The following UNC5D variants were observed in gnomAD, a reference collection of about 807,000 sequenced individuals.
UNC5D encodes unc-5 netrin receptor D.
In UNC5D, 39 loss-of-function variants were observed where a neutral mutation model predicts 105.4. The observed-to-expected ratio is 0.37, with a 90% CI of 0.29 to 0.48. UNC5D has a LOEUF of 0.48. UNC5D is among the 20% of genes least tolerant of loss of function. The pLI is 0.98. For missense variants in UNC5D, 991 were observed against 1,202.4 expected (o/e 0.82, Z 2.60); for synonymous variants, 452 against 450.4 (o/e 1.00, Z -0.04).
intron 13 of UNC5D, among the ~76,000 whole-genome samples, chr8:35,753,852 C>T (rs1171787790): frequency 6.6e-6 from 1 of 152,220 alleles, no homozygotes; most frequent in Non-Finnish European, 1.5e-5. Context: ...CTTTTCTGAA[C>T]TGAGACTCCC....
At position 35,634,247 on chromosome 8, in the gene UNC5D, C is replaced by T. The variant is rs140559933; in HGVS notation, c.570+38590C>T. ...GCACTCTTAAGCATTTTTCCAGAAT[C>T]ACACAGAATTTCCATTCAATCAAGG... On this transcript the variant is annotated intron_variant, in intron 4 of 16. Coordinates refer to ENST00000404895, the MANE Select transcript of UNC5D (RefSeq NM_080872.4). 2.3e-3 allele frequency among the ~76,000 whole-genome samples: 352 copies of T among 152,210 alleles called. 3 individuals are homozygous for T. Among genetic ancestry groups the T allele is most frequent in the African/African-American group, 7.6e-3 (316 of 41,474 alleles).
Position 35,372,212 on chromosome 8 carries a change from C to T in UNC5D, c.103+136325C>T, listed in dbSNP as rs944659949. Reference sequence around the variant, plus strand: ...GATCTTGGCTCACTGCAACCTTCACCCACTGGGGTCAAGCGATCCTCCCAC... The same window carrying T: ...GATCTTGGCTCACTGCAACCTTCACTCACTGGGGTCAAGCGATCCTCCCAC... On this transcript the variant is annotated intron_variant, in intron 1 of 16. Coordinates refer to ENST00000404895, the MANE Select transcript of UNC5D (RefSeq NM_080872.4). Among the ~76,000 whole-genome samples the T allele has an allele frequency of 7.9e-5, 12 of 152,166 alleles. 1 individual carries two copies. The highest frequency in any genetic ancestry group is 6.5e-4 in the Admixed American group (10 of 15,280).
At chr8:35,732,516 A>C (rs1277089752) in intron 11 of UNC5D, among the ~76,000 whole-genome samples, 1 of 152,226 alleles carries the variant, frequency 6.6e-6, no homozygotes, top group Non-Finnish European at 1.5e-5. Context: ...TCACTTAAGC[A>C]GACCTAAAAA....
intron 16 of UNC5D, among the ~76,000 whole-genome samples, chr8:35,782,411 T>C (rs1313521050): frequency 6.6e-6 from 1 of 152,196 alleles, no homozygotes; most frequent in Non-Finnish European, 1.5e-5. Flanking sequence ...TGGTGCTATA[T>C]AGTAGGATTA....
At chr8:35,344,401 A>C (rs572545906) in intron 1 of UNC5D, among the ~76,000 whole-genome samples, 1 of 152,126 alleles carries the variant, frequency 6.6e-6, no homozygotes, top group African/African-American at 2.4e-5. Flanking sequence ...TCTTTATTTC[A>C]TGTTCACCTG....
chr8:35,685,789 A>G (rs1175977170), intron 6 of UNC5D, among the ~76,000 whole-genome samples: 1 of 152,132 alleles, frequency 6.6e-6, no homozygotes, highest in African/African-American at 2.4e-5. Context: ...GGACTCAGAC[A>G]TTTTGCTTCA....
intron 1 of UNC5D, among the ~76,000 whole-genome samples, chr8:35,333,107 G>T (rs1352616450): frequency 6.6e-6 from 1 of 152,080 alleles, no homozygotes; most frequent in Non-Finnish European, 1.5e-5. Context: ...CAGCCCTTTG[G>T]AAGTATGAGG....
chr8:35,652,098 T>C lies in UNC5D; in HGVS notation c.571-31449T>C, dbSNP rs951411626. 2.0e-5 allele frequency among the ~76,000 whole-genome samples: 3 copies of C among 152,182 alleles called. No individual in the cohort carries two copies. The East Asian group carries it at 5.8e-4, about 29-fold the overall frequency. ...CAAGTTGCTCTTATAGAAGTTGTTA[T>C]ATATGAGCGCTCACCAGCTGTGACT... On this transcript the variant is annotated intron_variant, in intron 4 of 16. Transcript: ENST00000404895.
At chr8:35,759,627 G>A (rs1032400709) in intron 14 of UNC5D, among the ~76,000 whole-genome samples, 158 bp downstream of exon 14, 6 of 152,128 alleles carry the variant, frequency 3.9e-5, no homozygotes, top group East Asian at 1.9e-4. Context: ...CTACACACAC[G>A]GAATGAAACA....
chr8:35,338,063 C>A (rs1490587252), intron 1 of UNC5D, among the ~76,000 whole-genome samples: 2 of 152,136 alleles, frequency 1.3e-5, no homozygotes, highest in East Asian at 3.9e-4. Flanking sequence ...AAAATGAAGC[C>A]TTGCAACTTT....
At chr8:35,352,126 A>G (rs192502931) in intron 1 of UNC5D, among the ~76,000 whole-genome samples, 35 of 152,248 alleles carry the variant, frequency 2.3e-4, no homozygotes, top group African/African-American at 7.9e-4. Flanking sequence ...TTCCATTAAG[A>G]GATAAGAAAA....
intron 1 of UNC5D, among the ~76,000 whole-genome samples, chr8:35,480,308 CT>C (rs1475276493): frequency 2.0e-5 from 3 of 152,112 alleles, no homozygotes; most frequent in Non-Finnish European, 4.4e-5. Flanking sequence ...GAAAAGTCTG[CT>C]AACTTAAATT....
intron 1 of UNC5D, among the ~76,000 whole-genome samples, chr8:35,412,706 C>CAT (rs1805253831): frequency 6.6e-6 from 1 of 152,118 alleles, no homozygotes; most frequent in Non-Finnish European, 1.5e-5. Flanking sequence ...TGAGATAAGA[C>CAT]ACCAGTAGGT....
At chr8:35,239,890 T>G (rs1289739060) in intron 1 of UNC5D, among the ~76,000 whole-genome samples, 3 of 152,160 alleles carry the variant, frequency 2.0e-5, no homozygotes, top group Admixed American at 6.5e-5. Flanking sequence ...TCTTTTCCTT[T>G]TCTTTTTTCC....
intron 4 of UNC5D, among the ~76,000 whole-genome samples, chr8:35,670,002 T>C (rs1387801076): frequency 6.6e-6 from 1 of 152,086 alleles, no homozygotes; most frequent in Non-Finnish European, 1.5e-5. Flanking sequence ...GATATGATCA[T>C]GTGGGGAGGT....
At chr8:35,695,563 A>G (rs1206972140) in intron 7 of UNC5D, among the ~76,000 whole-genome samples, 1 of 152,048 alleles carries the variant, frequency 6.6e-6, no homozygotes, top group African/African-American at 2.4e-5. Context: ...TAAACCCTCA[A>G]GAGAAAGGCT....
intron 16 of UNC5D, among the ~76,000 whole-genome samples, chr8:35,776,748 A>C (rs1802264040): frequency 6.6e-6 from 1 of 152,224 alleles, no homozygotes; most frequent in Non-Finnish European, 1.5e-5. Context: ...AATAAATGCT[A>C]GTTTTCCCCC....
At chr8:35,360,314 T>C (rs957573577) in intron 1 of UNC5D, among the ~76,000 whole-genome samples, 10 of 152,206 alleles carry the variant, frequency 6.6e-5, no homozygotes, top group African/African-American at 2.4e-4. Context: ...TGAATTCCTA[T>C]AATTCATACT....
intron 1 of UNC5D, among the ~76,000 whole-genome samples, chr8:35,309,266 T>G (rs1447420983): frequency 6.6e-6 from 1 of 152,148 alleles, no homozygotes; most frequent in African/African-American, 2.4e-5. Flanking sequence ...AGTCGTATAT[T>G]TGCAAAACAG....
Sources: allele counts gnomAD v4.1 joint callset (sites outside exome capture counted in the v4.1 genomes callset), GRCh38; gene constraint gnomAD v4.1.1; transcripts MANE v1.5; gene names NCBI Gene and HGNC (gene_info 2026-07-23, HGNC 2026-07-21).